Variants in THNSL2 observed in about 807,000 individuals in gnomAD.
THNSL2 encodes threonine synthase like 2.
A neutral mutation model predicts 40.0 loss-of-function variants in THNSL2; 34 were observed. That is an observed-to-expected ratio of 0.85 (90% confidence interval 0.65 to 1.13). The LOEUF (loss-of-function observed/expected upper bound fraction) is 1.13, where lower values mean the gene tolerates loss of function less well. Ranked by LOEUF, THNSL2 falls within the 50% of genes most tolerant of loss-of-function variation. The pLI is 0.00. For synonymous variants in THNSL2, 241 were observed against 247.5 expected (o/e 0.97, Z 0.25); for missense variants, 537 against 608.8 (o/e 0.88, Z 1.24).
At chr2:88,184,388 C>G (rs919506578) in intron 7 of THNSL2, among the ~76,000 whole-genome samples, 1 of 152,132 alleles carries the variant, frequency 6.6e-6, no homozygotes, top group African/African-American at 2.4e-5. Flanking sequence ...AGGAACTGTG[C>G]TAGGTGCTAG....
intron 5 of THNSL2, among the ~76,000 whole-genome samples, chr2:88,181,184 TCTCTCTCCCTCTCTCTC>T (rs1211405678): frequency 0.31 from 5 of 16 alleles, 1 homozygote; most frequent in African/African-American, 0.5. Context: ...CTCTCTCTCC[TCTCTCTCCCTCTCTCTC>T]CTCTCTCTCC....
In THNSL2 at chr2:88,186,225, CG is replaced by C; in HGVS notation, c.*105del. ...CATTAAGCGTAGGTTAGGAGGTTTC[CG>C]GGAGGCTGCTCAGCTGGATCTGGAG... is the stretch of plus-strand genomic sequence containing the variant. On this transcript the variant is annotated 3_prime_UTR_variant, in exon 9 of 9. Coordinates refer to ENST00000674334, the MANE Select transcript of THNSL2 (RefSeq NM_018271.5). 1 of 1,184,156 alleles carries C rather than the reference CG, an allele frequency of 8.4e-7. No homozygotes were observed. Among genetic ancestry groups the C allele is most frequent in the Non-Finnish European group, 1.2e-6 (1 of 829,562 alleles). 73.4% of individuals were successfully genotyped at this position (1,184,156 alleles called of 1,614,324 possible). A position where few individuals can be genotyped will look rare whatever the true frequency, so the allele number is the denominator to read the frequency against.
Position 88,182,729 on chromosome 2 carries a change from C to G in THNSL2, c.833C>G (p.Pro278Arg). Residue 278 changes from proline to arginine, a missense_variant, in exon 6 of 9, where the codon CCC becomes CGC. Pro to Arg is a moderately radical substitution (Grantham distance 103, BLOSUM62 -2). Transcript: ENST00000674334. ...TACATTGCTCAAAAGATAGGCCTGC[C>G]CATCCGTCTGGTCGTGGCAGTGAAC... ...AGYIAQKIGLPIRLVVAVNRN... is the reference protein window; with the variant it reads ...AGYIAQKIGLRIRLVVAVNRN... 1 of 1,613,634 alleles carries G rather than the reference C, an allele frequency of 6.2e-7. No homozygotes were observed.
rs1440015088 is a variant in THNSL2, at chr2:88,186,345, C to G, written c.*222C>G. 1 of 576,174 alleles carries G rather than the reference C, an allele frequency of 1.7e-6. No individual in the cohort carries two copies. The highest frequency in any genetic ancestry group is 3.1e-6 in the Non-Finnish European group (1 of 322,576). 35.7% of individuals were successfully genotyped at this position (576,174 alleles called of 1,614,324 possible). A position where few individuals can be genotyped will look rare whatever the true frequency, so the allele number is the denominator to read the frequency against. On this transcript the variant is annotated 3_prime_UTR_variant, in exon 9 of 9. Transcript: ENST00000674334. The stretch of plus-strand genomic sequence containing the variant: ...TGAACAGTTGCCGGAAGCACCCCCT[C>G]CCTCCCCGGCCCGTGCAGCAGTGTC...
intron 5 of THNSL2, among the ~76,000 whole-genome samples, chr2:88,179,444 G>A (rs924076986): frequency 2.6e-5 from 4 of 152,220 alleles, no homozygotes; most frequent in African/African-American, 4.8e-5. Flanking sequence ...CCCTGACCCC[G>A]TGTGAGGTGG....
chr2:88,185,295 C>CA lies in THNSL2; in HGVS notation c.1078-32dup, dbSNP rs200271147. ...GTCATCTTTCCCTACATCCCCCCCC[C>CA]ACACCTCATCTTTCTGACCTGGGAC... On this transcript the variant is annotated intron_variant, in intron 7 of 8. Coordinates refer to ENST00000674334, the MANE Select transcript of THNSL2 (RefSeq NM_018271.5). 2,384 of 1,594,646 alleles carry CA rather than the reference C, an allele frequency of 1.5e-3. 31 individuals carry two copies. The African/African-American group carries it at 0.028, about 19-fold the overall frequency.
At position 88,179,001 on chromosome 2, in the gene THNSL2, G is replaced by C. The variant is rs141464891; in HGVS notation, c.790G>C (p.Gly264Arg). The C allele has an allele frequency of 6.2e-7, 1 of 1,614,068 alleles. No homozygotes were observed. The highest frequency in any genetic ancestry group is 8.5e-7 in the Non-Finnish European group (1 of 1,180,038). ...GGTGGTTGTGCCAACAGGGGCTGCC[G>C]GTAACCTTGCAGGTAAGGAATCCCC... ...VEVVVPTGAA[G>R]NLAAGYIAQK... The change falls in exon 5 of 9, where the codon GGT becomes CGT. Residue 264 changes from glycine (G) to arginine (R), a missense_variant. By Grantham distance (125) the Gly-to-Arg change is moderately radical (BLOSUM62 -2). Coordinates refer to ENST00000674334, the MANE Select transcript of THNSL2 (RefSeq NM_018271.5).
Position 88,186,481 on chromosome 2 carries a change from C to T in THNSL2, c.*358C>T, listed in dbSNP as rs1445352553. 2 of 261,558 alleles carry T rather than the reference C, an allele frequency of 7.6e-6. No individual in the cohort carries two copies. Among genetic ancestry groups the T allele is most frequent in the Non-Finnish European group, 1.5e-5 (2 of 132,668 alleles). The allele number at this position is 261,558 out of a possible 1,614,324, so 16.2% of individuals were successfully genotyped here. A position where few individuals can be genotyped will look rare whatever the true frequency, so the allele number is the denominator to read the frequency against. ...ACCTGTGAAGGTGGGAGCAGCTCAC[C>T]ACCTTCACGCAGGCTTTGTATGTTC... is the stretch of plus-strand genomic sequence containing the variant. On this transcript the variant is annotated 3_prime_UTR_variant, in exon 9 of 9. Coordinates refer to ENST00000674334, the MANE Select transcript of THNSL2 (RefSeq NM_018271.5).
intron 1 of THNSL2, among the ~76,000 whole-genome samples, chr2:88,170,662 G>T (rs2104097158): frequency 1.3e-5 from 2 of 152,338 alleles, no homozygotes; most frequent in South Asian, 4.1e-4. Context: ...TGCGTTTTCT[G>T]CGGGATTTGA....
At chr2:88,185,273 A>G (rs1013320759) in intron 7 of THNSL2, 55 bp from the exon 8 acceptor site, 1 of 1,566,716 alleles carries the variant, frequency 6.4e-7, no homozygotes, top group Non-Finnish European at 8.6e-7. Flanking sequence ...GGGTTTTGTC[A>G]TCTTTCCCTA....
chr2:88,185,376 C>CAG lies in THNSL2; in HGVS notation c.1128_1129dup (p.Thr377ArgfsTer22). ...GTCAGTGTCGGATGAAGCCATCACC[C>CAG]AGACCATGGGCCGCTGCTGGGATGA... On this transcript the variant is annotated frameshift_variant, in exon 8 of 9. Transcript: ENST00000674334. LOFTEE classifies it high-confidence loss of function. The CAG allele has an allele frequency of 6.2e-7, 1 of 1,614,086 alleles. No homozygotes were observed. Among genetic ancestry groups the CAG allele is most frequent in the Non-Finnish European group, 8.5e-7 (1 of 1,180,020 alleles).
chr2:88,185,829 C>T, intron 8 of THNSL2, 69 bp from the exon 9 acceptor site: 1 of 1,542,300 alleles, frequency 6.5e-7, no homozygotes, highest in Non-Finnish European at 8.8e-7. Context: ...ATTCCTCCTC[C>T]ACCTTCTCCT....
In THNSL2 at chr2:88,182,597, A is replaced by T. The variant is rs917269518; in HGVS notation, c.803-102A>T. 9.6e-6 allele frequency: 13 copies of T among 1,356,252 alleles called. No homozygotes were observed. The African/African-American group carries it at 1.7e-4, about 18-fold the overall frequency. The allele number at this position is 1,356,252 out of a possible 1,614,324, so 84.0% of individuals were successfully genotyped here. ...GTCCTTTTTAAAGCACAAAAGCTTCAAAAAGCACAAAAGTTTCTTAATTTT... is the reference window on the plus strand; with the variant it reads ...GTCCTTTTTAAAGCACAAAAGCTTCTAAAAGCACAAAAGTTTCTTAATTTT... On this transcript the variant is annotated intron_variant, in intron 5 of 8. Transcript: ENST00000674334.
intron 7 of THNSL2, 42 bp from the exon 8 acceptor site, chr2:88,185,286 T>TCC (rs557818118): frequency 1.3e-6 from 2 of 1,539,828 alleles, no homozygotes; most frequent in Admixed American, 1.8e-5. Flanking sequence ...TTTCCCTACA[T>TCC]CCCCCCCCCA....
At chr2:88,173,481 T>C in intron 2 of THNSL2, 108 bp downstream of exon 2, 1 of 786,936 alleles carries the variant, frequency 1.3e-6, no homozygotes. Context: ...ACATTTCTTC[T>C]CAAACTTTGT....
chr2:88,178,834 A>T lies in THNSL2; in HGVS notation c.623A>T (p.Asp208Val). 1 of 1,614,138 alleles carries T rather than the reference A, an allele frequency of 6.2e-7. No homozygotes were observed. The highest frequency in any genetic ancestry group is 1.1e-5 in the South Asian group (1 of 91,078). The change falls in exon 5 of 9, where the codon GAT (aspartate) becomes GTT (valine). Residue 208 changes from aspartate (D) to valine (V), a missense_variant. Asp to Val is a radical substitution (Grantham distance 152). Transcript: ENST00000674334. ...LDEPIKTVFADVAFVKKHNLM... is the reference protein window; with the variant it reads ...LDEPIKTVFAVVAFVKKHNLM... ...GAGCCGATCAAGACTGTGTTTGCCG[A>T]TGTGGCTTTTGTCAAGAAGCACAAT...
chr2:88,174,683 G>A lies in THNSL2; in HGVS notation c.268G>A (p.Val90Ile). Residue 90 changes from valine to isoleucine, a missense_variant, in exon 3 of 9, where the codon GTC (valine) becomes ATC (isoleucine). Val to Ile is a conservative substitution (Grantham distance 29, BLOSUM62 3). Coordinates refer to ENST00000674334, the MANE Select transcript of THNSL2 (RefSeq NM_018271.5). ...CAGCAGATTCCGTCACAGAGAAGTG[G>A]TCCATCTGTCCAGGTTGAGGAATGG... Reference protein sequence around the residue: ...AFSRFRHREVVHLSRLRNGLN... With the variant: ...AFSRFRHREVIHLSRLRNGLN... The A allele has an allele frequency of 6.2e-7, 1 of 1,614,164 alleles. No homozygotes were observed. Among genetic ancestry groups the A allele is most frequent in the Non-Finnish European group, 8.5e-7 (1 of 1,180,032 alleles).
intron 2 of THNSL2, among the ~76,000 whole-genome samples, 180 bp from the exon 3 acceptor site, chr2:88,174,459 G>A (rs745789192): frequency 3.9e-5 from 6 of 152,204 alleles, no homozygotes; most frequent in Non-Finnish European, 8.8e-5. Context: ...ACAGTTTGGT[G>A]CATGTTTTCC....
chr2:88,174,882 G>T (rs1306927500), intron 3 of THNSL2, 49 bp downstream of exon 3: 1 of 1,592,990 alleles, frequency 6.3e-7, no homozygotes, highest in South Asian at 1.1e-5. Flanking sequence ...TGTGACTGTA[G>T]GGTGTCCACC....
Sources: allele counts gnomAD v4.1 joint callset (sites outside exome capture counted in the v4.1 genomes callset), GRCh38; gene constraint gnomAD v4.1.1; transcripts MANE v1.5; gene names NCBI Gene and HGNC (gene_info 2026-07-23, HGNC 2026-07-21).